FRMPD4: variants seen among roughly 807,000 people sequenced by gnomAD.
FRMPD4 encodes FERM and PDZ domain-containing protein 4.
In FRMPD4, 22 loss-of-function variants were observed where a neutral mutation model predicts 94.1. The observed-to-expected ratio is 0.23, with a 90% CI of 0.17 to 0.33. FRMPD4 has a LOEUF of 0.33. Ranked by LOEUF, FRMPD4 falls within the 10% of genes least tolerant of loss-of-function variation. FRMPD4 has a pLI of 1.00. For synonymous variants in FRMPD4, 631 were observed against 548.6 expected (o/e 1.15, Z -2.10); for missense variants, 1,111 against 1,339.9 (o/e 0.83, Z 2.67).
intron 1 of FRMPD4, among the ~76,000 whole-genome samples, chrX:12,364,880 T>C (rs1417425853): frequency 8.9e-6 from 1 of 112,343 alleles, no homozygotes; most frequent in Non-Finnish European, 1.9e-5. Context: ...GGTTGATTCC[T>C]TTCTTTCTTT....
chrX:12,338,346 T>G (rs1350146581), intron 1 of FRMPD4, among the ~76,000 whole-genome samples: 1 of 111,946 alleles, frequency 8.9e-6, no homozygotes, highest in African/African-American at 3.3e-5. Flanking sequence ...ACTTATAACA[T>G]CATCTGCATT....
intron 3 of FRMPD4, among the ~76,000 whole-genome samples, chrX:12,040,811 G>A (rs757356252): frequency 3.2e-4 from 35 of 110,522 alleles, no homozygotes; most frequent in Non-Finnish European, 6.3e-4. Flanking sequence ...TTACAGGCGT[G>A]AGCCACCGCA....
At chrX:12,253,854 A>T (rs2054078142) in intron 1 of FRMPD4, among the ~76,000 whole-genome samples, 1 of 111,484 alleles carries the variant, frequency 9.0e-6, no homozygotes, top group Non-Finnish European at 1.9e-5. Context: ...AGCAGTAAAG[A>T]GTGTACTCCA....
At chrX:12,494,977 C>G (rs1324434120) in intron 1 of FRMPD4, 1 of 670,501 alleles carries the variant, frequency 1.5e-6, no homozygotes, top group African/African-American at 2.4e-5. Context: ...ATAGAAGTCA[C>G]AGGACATCAG....
At chrX:12,267,039 G>A (rs1051008984) in intron 1 of FRMPD4, among the ~76,000 whole-genome samples, 1 of 112,112 alleles carries the variant, frequency 8.9e-6, no homozygotes, top group African/African-American at 3.2e-5. Context: ...CAAAAATGCT[G>A]GCAACACAGC....
intron 3 of FRMPD4, among the ~76,000 whole-genome samples, chrX:11,909,419 T>C (rs1160759796): frequency 8.9e-6 from 1 of 111,869 alleles, no homozygotes; most frequent in Non-Finnish European, 1.9e-5. Context: ...CCTGACATTG[T>C]TGATATGTAT....
chrX:12,294,458 T>C (rs1306229912), intron 1 of FRMPD4, among the ~76,000 whole-genome samples: 1 of 28,804 alleles, frequency 3.5e-5, no homozygotes, highest in Non-Finnish European at 6.4e-5. Context: ...GGCTATAAAC[T>C]CATAACTGTA....
chrX:12,428,133 G>T (rs766960442), intron 1 of FRMPD4, among the ~76,000 whole-genome samples: 1 of 108,773 alleles, frequency 9.2e-6, no homozygotes, highest in Non-Finnish European at 1.9e-5. Context: ...GGATGGTCTC[G>T]ATCTCCTGAC....
intron 3 of FRMPD4, among the ~76,000 whole-genome samples, chrX:11,979,003 A>G (rs2054383350): frequency 9.0e-6 from 1 of 111,389 alleles, no homozygotes; most frequent in Non-Finnish European, 1.9e-5. Context: ...GTATATATGT[A>G]AAAGAATGTA....
intron 2 of FRMPD4, among the ~76,000 whole-genome samples, chrX:12,564,259 CACAA>C (rs1192502251): frequency 4.4e-5 from 5 of 112,715 alleles, no homozygotes; most frequent in Non-Finnish European, 9.4e-5. Context: ...TTTGGTGGAA[CACAA>C]ACATTCAATC....
chrX:12,309,714 A>C (rs951610681), intron 1 of FRMPD4, among the ~76,000 whole-genome samples: 9 of 112,423 alleles, frequency 8.0e-5, no homozygotes. Flanking sequence ...CTAATATCTG[A>C]GAGTATCTAT....
In FRMPD4 at chrX:12,553,434, CTATATATATA is replaced by C. The variant is rs3066486; in HGVS notation, c.158+54662_158+54671del. Among the ~76,000 whole-genome samples the C allele has an allele frequency of 8.6e-3, 340 of 39,656 alleles. 9 individuals carry two copies. The highest frequency in any genetic ancestry group is 0.032 in the East Asian group (44 of 1,396). 34.4% of individuals were successfully genotyped at this position (39,656 alleles called of 115,157 possible). On this transcript the variant is annotated intron_variant, in intron 2 of 16. Transcript: ENST00000675598. ...AGTTTTGTGAGATCTATCCATATGC[CTATATATATA>C]TATATATATATATATATATATATCT... is the stretch of plus-strand genomic sequence containing the variant.
At chrX:12,602,334 G>A (rs978964867) in intron 2 of FRMPD4, among the ~76,000 whole-genome samples, 1 of 111,341 alleles carries the variant, frequency 9.0e-6, no homozygotes, top group Non-Finnish European at 1.9e-5. Context: ...CAGGGATTAC[G>A]AATTTTGCAG....
intron 1 of FRMPD4, among the ~76,000 whole-genome samples, chrX:12,372,040 A>G (rs1428614250): frequency 8.9e-6 from 1 of 112,294 alleles, no homozygotes; most frequent in Non-Finnish European, 1.9e-5. Flanking sequence ...CTAAATGTGA[A>G]TACATGTAGA....
At chrX:12,027,190 G>A (rs1194325957) in intron 3 of FRMPD4, among the ~76,000 whole-genome samples, 4 of 112,071 alleles carry the variant, frequency 3.6e-5, no homozygotes, top group South Asian at 3.7e-4. Context: ...TTGCAAAAAC[G>A]AAGTAATCTA....
chrX:11,844,896 T>C (rs979519044), intron 1 of FRMPD4, among the ~76,000 whole-genome samples: 6 of 112,254 alleles, frequency 5.3e-5, no homozygotes, highest in African/African-American at 1.9e-4. Context: ...TCTTCAATCT[T>C]TTTTACCCTC....
At chrX:11,957,525 C>CAAAATAAAATAAAATAAAATAAAAT (rs773502928) in intron 3 of FRMPD4, among the ~76,000 whole-genome samples, 1,361 of 108,396 alleles carry the variant, frequency 0.013, 20 homozygotes, top group East Asian at 0.045. Context: ...GACCCTGTCT[C>CAAAATAAAATAAAATAAAATAAAAT]AAAATAAAAT....
intron 1 of FRMPD4, among the ~76,000 whole-genome samples, chrX:12,154,073 A>G (rs979195489): frequency 1.8e-5 from 2 of 112,726 alleles, no homozygotes; most frequent in Non-Finnish European, 3.7e-5. Context: ...CCCTGGTCCT[A>G]TGTCATCAAA....
intron 3 of FRMPD4, among the ~76,000 whole-genome samples, chrX:11,885,116 T>C (rs2053838717): frequency 9.0e-6 from 1 of 111,704 alleles, no homozygotes; most frequent in Non-Finnish European, 1.9e-5. Flanking sequence ...AGCCAAGAGG[T>C]AGAAGAAGCC....
Sources: allele counts gnomAD v4.1 joint callset (sites outside exome capture counted in the v4.1 genomes callset), GRCh38; gene constraint gnomAD v4.1.1; transcripts MANE v1.5; gene names NCBI Gene and HGNC (gene_info 2026-07-23, HGNC 2026-07-21).